The following BCLAF3 variants were observed in gnomAD, a reference collection of about 807,000 sequenced individuals.
BCLAF3 encodes the protein transient octamer binding factor 1.
BCLAF3 carries 24 observed loss-of-function variants against 51.2 expected under a neutral mutation model. The observed-to-expected ratio is 0.47, with a 90% CI of 0.34 to 0.66. The LOEUF (loss-of-function observed/expected upper bound fraction) is 0.66, where lower values mean the gene tolerates loss of function less well. Among genes scored for constraint, BCLAF3 ranks in the 30% least tolerant of loss-of-function variants. BCLAF3 has a pLI of 0.01. For synonymous variants in BCLAF3, 152 were observed against 176.6 expected (o/e 0.86, Z 1.10); for missense variants, 465 against 525.1 (o/e 0.89, Z 1.12).
chrX:19,963,890 C>CT (rs2071949031), intron 4 of BCLAF3, among the ~76,000 whole-genome samples: 1 of 110,166 alleles, frequency 9.1e-6, no homozygotes, highest in South Asian at 3.9e-4. Flanking sequence ...TGGCATGCAC[C>CT]TATAGTCCTA....
intron 4 of BCLAF3, among the ~76,000 whole-genome samples, chrX:19,959,640 T>C (rs1170572343): frequency 5.6e-5 from 6 of 106,244 alleles, no homozygotes; most frequent in Non-Finnish European, 1.2e-4. Flanking sequence ...TAGCCAGGCA[T>C]GGTGGCGTGT....
chrX:19,932,446 A>G (rs779905218), intron 10 of BCLAF3, among the ~76,000 whole-genome samples: 100 of 111,582 alleles, frequency 9.0e-4, no homozygotes, highest in Non-Finnish European at 1.3e-3. Flanking sequence ...AAATTACAAA[A>G]GCAAACAAAA....
rs544665576 is a variant in BCLAF3 at position 19,989,457 on chromosome X, C to T, written c.-35+1451G>A. Among the ~76,000 whole-genome samples the T allele has an allele frequency of 7.1e-5, 8 of 112,098 alleles. No homozygotes were observed. The South Asian group carries it at 2.6e-3, about 36-fold the overall frequency. Reference sequence around the variant, plus strand: ...GTTGCAGTGAGCCGAGATCGTGCCACTACACTCCAGCCTGGGCGACAGAGT... The same window carrying T: ...GTTGCAGTGAGCCGAGATCGTGCCATTACACTCCAGCCTGGGCGACAGAGT... On this transcript the variant is annotated intron_variant, in intron 1 of 11. Transcript: ENST00000379682.
chrX:19,982,710 A>C (rs1295660312), intron 1 of BCLAF3, among the ~76,000 whole-genome samples: 1 of 110,826 alleles, frequency 9.0e-6, no homozygotes, highest in Non-Finnish European at 1.9e-5. Flanking sequence ...CCCCACACAC[A>C]CCCTAATTTT....
rs748629606 is a variant in BCLAF3, at chrX:19,955,419, T to C, written c.1422A>G (p.Glu474=). ...TAACTTGATGGATTATTGTTATGAT[T>C]TCCTGAGCAAATTCTCCTGTAGGTT... ...ENKPTGEFAQ[E]IITIIHQVKA... is the part of the protein sequence containing the mutation. Residue 474 remains glutamate, a synonymous_variant, in exon 5 of 12, where the codon GAA becomes GAG. Transcript: ENST00000379682. The C allele has an allele frequency of 5.8e-6, 7 of 1,197,276 alleles. No individual in the cohort carries two copies. In the African/African-American group the frequency reaches 8.8e-5, roughly 15 times the overall value.
intron 2 of BCLAF3, 152 bp from the exon 3 acceptor site, chrX:19,966,801 T>C (rs2072075767): frequency 2.1e-6 from 1 of 480,193 alleles, no homozygotes; most frequent in East Asian, 3.7e-5. Flanking sequence ...TTCTAAATTG[T>C]ACATCTGGGG....
intron 10 of BCLAF3, among the ~76,000 whole-genome samples, chrX:19,933,874 G>T (rs2070659665): frequency 9.0e-6 from 1 of 111,372 alleles, no homozygotes; most frequent in Non-Finnish European, 1.9e-5. Flanking sequence ...AGGCTGAAGC[G>T]ATCTTCCCAC....
intron 9 of BCLAF3, 82 bp from the exon 10 acceptor site, chrX:19,935,980 T>C: frequency 1.3e-6 from 1 of 787,601 alleles, no homozygotes; most frequent in South Asian, 2.2e-5. Flanking sequence ...GAAAACACAT[T>C]TTAAATGTAC....
intron 11 of BCLAF3, among the ~76,000 whole-genome samples, chrX:19,927,405 G>C (rs755559089): frequency 9.0e-6 from 1 of 111,422 alleles, no homozygotes; most frequent in Non-Finnish European, 1.9e-5. Context: ...CTACTCATCC[G>C]TCTTTTGAAA....
chrX:19,979,984 A>G (rs2072558836), intron 1 of BCLAF3, among the ~76,000 whole-genome samples: 1 of 111,561 alleles, frequency 9.0e-6, no homozygotes, highest in Admixed American at 9.6e-5. Context: ...GGAAATAGCA[A>G]ATAGGTAGAG....
chrX:19,950,660 A>G (rs2071448128), intron 8 of BCLAF3, 93 bp downstream of exon 8: 1 of 588,843 alleles, frequency 1.7e-6, no homozygotes, highest in African/African-American at 2.2e-5. Context: ...AAATCCCTAT[A>G]TTAAAATGAA....
chrX:19,952,951 A>G (rs369636019), intron 7 of BCLAF3, 37 bp downstream of exon 7: 37 of 1,123,566 alleles, frequency 3.3e-5, no homozygotes, highest in East Asian at 9.0e-5. Context: ...TATACAAACA[A>G]TAAGATAATT....
intron 8 of BCLAF3, among the ~76,000 whole-genome samples, chrX:19,944,033 C>T (rs1335122247): frequency 2.0e-4 from 14 of 70,978 alleles, no homozygotes; most frequent in African/African-American, 2.8e-4. Flanking sequence ...ATGTAATGGC[C>T]TTCTTTGTCT....
At position 19,990,922 on chromosome X, in the gene BCLAF3, C is replaced by G. The variant is rs1464416590; in HGVS notation, c.-49G>C. ...GAGCCGCTCACCCGGCCGGGAAGCC[C>G]CCGCCGCCGCCGCCGCCGCCGCCGC... On this transcript the variant is annotated 5_prime_UTR_variant, in exon 1 of 12. Coordinates refer to ENST00000379682, the MANE Select transcript of BCLAF3 (RefSeq NM_001367774.2). Among the ~76,000 whole-genome samples, 622 of 84,588 alleles carry G rather than the reference C, an allele frequency of 7.4e-3. 3 individuals are homozygous for G. Among genetic ancestry groups the G allele is most frequent in the Non-Finnish European group, 0.011 (477 of 43,903 alleles). The allele number at this position is 84,588 out of a possible 115,157, so 73.5% of individuals were successfully genotyped here. A position where few individuals can be genotyped will look rare whatever the true frequency, so the allele number is the denominator to read the frequency against.
chrX:19,967,101 C>A (rs1398286746), intron 2 of BCLAF3, among the ~76,000 whole-genome samples: 1 of 111,746 alleles, frequency 8.9e-6, no homozygotes, highest in African/African-American at 3.3e-5. Flanking sequence ...GGGTCTCCAG[C>A]AAACTGAACA....
In BCLAF3 at chrX:19,913,875, CTT is replaced by C. The variant is rs1456347637; in HGVS notation, c.*3428_*3429del. 1 of 111,908 alleles carries C rather than the reference CTT, an allele frequency of 8.9e-6. No individual in the cohort carries two copies. Among genetic ancestry groups the C allele is most frequent in the East Asian group, 2.8e-4 (1 of 3,604 alleles). The allele number at this position is 111,908 out of a possible 1,213,427, so 9.2% of individuals were successfully genotyped here. A position where few individuals can be genotyped will look rare whatever the true frequency, so the allele number is the denominator to read the frequency against. Reference sequence around the variant, plus strand: ...AATTTGTCAATGTACATTAATTTTTCTTTGTCAAGATTTATAACATTTACATA... The same window carrying C: ...AATTTGTCAATGTACATTAATTTTTCTGTCAAGATTTATAACATTTACATA... On this transcript the variant is annotated 3_prime_UTR_variant, in exon 12 of 12. Transcript: ENST00000379682.
At chrX:19,970,613 T>C (rs867164390) in intron 1 of BCLAF3, among the ~76,000 whole-genome samples, 1 of 111,652 alleles carries the variant, frequency 9.0e-6, no homozygotes, top group Non-Finnish European at 1.9e-5. Context: ...TGTGACAACA[T>C]TGAGATGTGT....
In BCLAF3 at chrX:19,922,197, T is replaced by C. The variant is rs1444889594; in HGVS notation, c.2107-4863A>G. 6.3e-5 allele frequency among the ~76,000 whole-genome samples: 7 copies of C among 110,539 alleles called. No individual in the cohort carries two copies. In the Admixed American group the frequency reaches 6.8e-4, roughly 11 times the overall value. On this transcript the variant is annotated intron_variant, in intron 11 of 11. Coordinates refer to ENST00000379682, the MANE Select transcript of BCLAF3 (RefSeq NM_001367774.2). ...TCGAGACCTGGACAAAATCAAGCTA[T>C]CAGTGATAGAACATTCAAAATACTT...
At chrX:19,953,383 C>A (rs2071558609) in intron 6 of BCLAF3, among the ~76,000 whole-genome samples, 1 of 111,776 alleles carries the variant, frequency 8.9e-6, no homozygotes, top group Non-Finnish European at 1.9e-5. Context: ...GCAGAAGACA[C>A]GTGGTTTCAT....
Sources: allele counts gnomAD v4.1 joint callset (sites outside exome capture counted in the v4.1 genomes callset), GRCh38; gene constraint gnomAD v4.1.1; transcripts MANE v1.5; gene names NCBI Gene and HGNC (gene_info 2026-07-23, HGNC 2026-07-21).